Variants in CR1 observed in about 807,000 individuals in gnomAD.
CR1 encodes the protein complement C3b/C4b receptor 1 (Knops blood group), also known as complement receptor type 1.
CR1 carries 116 observed loss-of-function variants against 187.3 expected under a neutral mutation model. That is an observed-to-expected ratio of 0.62 (90% CI 0.53 to 0.72). The LOEUF is 0.72. Ranked by LOEUF, CR1 falls within the 30% of genes least tolerant of loss-of-function variation. The pLI is 0.00. For missense variants in CR1, 1,731 were observed against 2,110.7 expected, an observed-to-expected ratio of 0.82 and a Z score of 3.52; for synonymous variants, 576 against 747.1, an observed-to-expected ratio of 0.77 and a Z score of 3.73.
At chr1:207,581,197 T>C (rs1389536586) in intron 31 of CR1, among the ~76,000 whole-genome samples, 2 of 150,188 alleles carry the variant, frequency 1.3e-5, no homozygotes. Context: ...CATGGACACG[T>C]ATATGTAGAC....
chr1:207,597,601 G>A (rs771415771), intron 35 of CR1, among the ~76,000 whole-genome samples: 29 of 152,188 alleles, frequency 1.9e-4, no homozygotes, highest in South Asian at 4.1e-4. Context: ...GAAATAAAAG[G>A]TGTTGGCGAG....
At chr1:207,519,493 G>C (rs1201171940) in intron 4 of CR1, among the ~76,000 whole-genome samples, 1 of 152,000 alleles carries the variant, frequency 6.6e-6, no homozygotes, top group Non-Finnish European at 1.5e-5. Context: ...CTACTCTAGA[G>C]ATAGACATCC....
chr1:207,592,877 A>G (rs1347893885), intron 35 of CR1, among the ~76,000 whole-genome samples: 1 of 152,150 alleles, frequency 6.6e-6, no homozygotes, highest in Non-Finnish European at 1.5e-5. Flanking sequence ...CTTGGAATAC[A>G]ACTTACAAGG....
intron 4 of CR1, among the ~76,000 whole-genome samples, chr1:207,516,752 ATTCT>A (rs1160383045): frequency 1.2e-4 from 18 of 152,072 alleles, no homozygotes; most frequent in African/African-American, 4.3e-4. Flanking sequence ...TTAAAATTTC[ATTCT>A]TTAATTATTT....
rs1662942724 is a variant in CR1, at chr1:207,640,256, T to TACCAGTAGATGGGAC, written c.*847_*848insACCAGTAGATGGGAC. ...GCCTCAGCCTCCTGAGTAGTTGGGA[T>TACCAGTAGATGGGAC]TACCAGTAGATGGGACTACAGGCAC... On this transcript the variant is annotated 3_prime_UTR_variant, in exon 47 of 47. Coordinates refer to ENST00000367049, the MANE Select transcript of CR1 (RefSeq NM_000651.6). 5.9e-5 allele frequency: 9 copies of TACCAGTAGATGGGAC among 152,046 alleles called. No homozygotes were observed. The highest frequency in any genetic ancestry group is 1.4e-4 in the African/African-American group (6 of 41,460). 9.4% of individuals were successfully genotyped at this position (152,046 alleles called of 1,614,324 possible).
intron 23 of CR1, among the ~76,000 whole-genome samples, chr1:207,564,440 T>C (rs1351801760): frequency 1.3e-5 from 2 of 149,966 alleles, no homozygotes; most frequent in Non-Finnish European, 2.9e-5. Flanking sequence ...AACTGGAACA[T>C]ATATTAACTG....
Position 207,584,594 on chromosome 1 carries a change from T to C in CR1, c.5303-55T>C, listed in dbSNP as rs914071398. On this transcript the variant is annotated intron_variant, in intron 32 of 46. Transcript: ENST00000367049. The stretch of plus-strand genomic sequence containing the variant: ...ACAGTATGACAACTGTAGAATCACC[T>C]TGGATTATACTTTAAAATTTTTTAT... 13 of 1,577,244 alleles carry C rather than the reference T, an allele frequency of 8.2e-6. No individual in the cohort carries two copies. In the African/African-American group the frequency reaches 1.8e-4, roughly 21 times the overall value.
chr1:207,520,968 G>GTTTTTTTTTTTTTTTTTTTTTTTTT (rs141546660), intron 4 of CR1, among the ~76,000 whole-genome samples: 3 of 44,570 alleles, frequency 6.7e-5, no homozygotes, highest in African/African-American at 1.0e-4. Context: ...TTTTTTGGTT[G>GTTTTTTTTTTTTTTTTTTTTTTTTT]TTTTTTTTTT....
chr1:207,521,837 CTTT>C (rs200281210), intron 4 of CR1, among the ~76,000 whole-genome samples: 1 of 137,652 alleles, frequency 7.3e-6, no homozygotes, highest in African/African-American at 2.7e-5. Context: ...TGTATATATA[CTTT>C]TTTTTTTTTG....
intron 35 of CR1, among the ~76,000 whole-genome samples, chr1:207,603,098 ATTCT>A (rs967881825): frequency 1.3e-4 from 20 of 152,086 alleles, no homozygotes; most frequent in African/African-American, 4.6e-4. Flanking sequence ...TTTCAATGAC[ATTCT>A]TTTTTTTAAT....
At chr1:207,588,351 A>G (rs1468700795) in intron 34 of CR1, among the ~76,000 whole-genome samples, 2 of 152,056 alleles carry the variant, frequency 1.3e-5, no homozygotes, top group African/African-American at 4.8e-5. Flanking sequence ...TGTATTTTTT[A>G]GTAGAGATGG....
In CR1 at chr1:207,627,966, C is replaced by G. The variant is rs543922228; in HGVS notation, c.7353-2551C>G. 7.2e-5 allele frequency among the ~76,000 whole-genome samples: 11 copies of G among 152,240 alleles called. No homozygotes were observed. In the South Asian group the frequency reaches 2.3e-3, roughly 32 times the overall value. On this transcript the variant is annotated intron_variant, in intron 45 of 46. Transcript: ENST00000367049. Reference sequence around the variant, plus strand: ...GGCACTAGTCCCATTCACAAGGGCTCTGCTCTCATGATCTAATTACTTCTC... The same window carrying G: ...GGCACTAGTCCCATTCACAAGGGCTGTGCTCTCATGATCTAATTACTTCTC...
At chr1:207,596,558 G>A (rs1379065359) in intron 35 of CR1, among the ~76,000 whole-genome samples, 1 of 152,020 alleles carries the variant, frequency 6.6e-6, no homozygotes, top group East Asian at 1.9e-4. Context: ...AGGTTGCAGT[G>A]AGCCGAGATG....
At chr1:207,613,415 A>G (rs1453533579) in intron 39 of CR1, among the ~76,000 whole-genome samples, 1 of 152,222 alleles carries the variant, frequency 6.6e-6, no homozygotes, top group African/African-American at 2.4e-5. Flanking sequence ...GCTCAGGTAT[A>G]TGTAAACTAA....
chr1:207,576,298 A>G (rs1037099910), intron 28 of CR1, among the ~76,000 whole-genome samples: 10 of 152,216 alleles, frequency 6.6e-5, no homozygotes, highest in Non-Finnish European at 8.8e-5. Context: ...TAGAAGGCCA[A>G]TAAACTGGCT....
Position 207,609,657 on chromosome 1 carries a change from A to T in CR1, c.6264A>T (p.Arg2088Ser), listed in dbSNP as rs1042298487. Reference protein sequence around the residue: ...SHTVQCQTNGRWGPKLPHCSR... With the variant: ...SHTVQCQTNGSWGPKLPHCSR... ...CTGTGCAGTGCCAGACCAATGGCAG[A>T]TGGGGGCCCAAGCTGCCACACTGCT... The change falls in exon 37 of 47, where the codon AGA becomes AGT. Residue 2088 changes from arginine (R) to serine (S), a missense_variant. By Grantham distance (110) the Arg-to-Ser change is moderately radical. This residue lies in a region of CR1 where 1,312 missense variants were observed against 1,379.6 expected (regional missense o/e 0.95). Transcript: ENST00000367049. The T allele has an allele frequency of 3.1e-6, 5 of 1,594,732 alleles. No individual in the cohort carries two copies. In the Admixed American group the frequency reaches 8.6e-5, roughly 27 times the overall value.
In CR1 at chr1:207,584,548, C is replaced by G. The variant is rs189190196; in HGVS notation, c.5303-101C>G. On this transcript the variant is annotated intron_variant, in intron 32 of 46. Transcript: ENST00000367049. Reference sequence around the variant, plus strand: ...TCTACTTTCCTTAAGAAGAAAAGTACGCTTAATTGGCAACACAGTCACAGT... The same window carrying G: ...TCTACTTTCCTTAAGAAGAAAAGTAGGCTTAATTGGCAACACAGTCACAGT... 1.4e-5 allele frequency: 19 copies of G among 1,390,140 alleles called. No individual in the cohort carries two copies. In the Middle Eastern group the frequency reaches 5.9e-4, roughly 43 times the overall value. The allele number at this position is 1,390,140 out of a possible 1,614,324, so 86.1% of individuals were successfully genotyped here.
intron 4 of CR1, among the ~76,000 whole-genome samples, chr1:207,518,928 C>T: frequency 6.6e-6 from 1 of 152,162 alleles, no homozygotes; most frequent in South Asian, 2.1e-4. Flanking sequence ...ATTACAATCC[C>T]CAACTACAAC....
chr1:207,625,746 G>A (rs536594487), intron 45 of CR1, among the ~76,000 whole-genome samples: 2 of 152,222 alleles, frequency 1.3e-5, no homozygotes, highest in African/African-American at 4.8e-5. Flanking sequence ...CTCATGTGCT[G>A]TGTCCACCTC....
Sources: gnomAD v4.1 joint callset for allele counts (sites outside exome capture counted in the v4.1 genomes callset) on GRCh38, gnomAD v4.1.1 for gene constraint, gnomAD v4.1.1 regional missense constraint, MANE v1.5 for transcripts, NCBI Gene and HGNC (gene_info 2026-07-23, HGNC 2026-07-21) for gene names.